Variants in KCNAB1 observed in about 807,000 individuals in gnomAD.
The protein encoded by KCNAB1 is potassium voltage-gated channel subfamily A regulatory beta subunit 1.
KCNAB1 carries 35 observed loss-of-function variants against 64.6 expected under a neutral mutation model. The observed-to-expected ratio is 0.54, with a 90% CI of 0.41 to 0.72. The LOEUF (loss-of-function observed/expected upper bound fraction) is 0.72. Ranked by LOEUF, KCNAB1 falls within the 30% of genes least tolerant of loss-of-function variation. KCNAB1 has a pLI of 0.00. For missense variants in KCNAB1, 401 were observed against 512.9 expected (o/e 0.78, Z 2.11); for synonymous variants, 177 against 183.8 (o/e 0.96, Z 0.30).
At chr3:156,428,280 T>C (rs994810344) in intron 2 of KCNAB1, among the ~76,000 whole-genome samples, 4 of 152,158 alleles carry the variant, frequency 2.6e-5, no homozygotes, top group African/African-American at 9.7e-5. Context: ...AAGAGGGAAT[T>C]CCTGCCTGAC....
intron 1 of KCNAB1, among the ~76,000 whole-genome samples, chr3:156,381,960 C>T (rs886864097): frequency 6.6e-6 from 1 of 152,178 alleles, no homozygotes; most frequent in African/African-American, 2.4e-5. Context: ...TTTGAAGGAA[C>T]AGTGCAGCTA....
intron 1 of KCNAB1, among the ~76,000 whole-genome samples, chr3:156,124,020 T>C (rs1373165490): frequency 1.3e-5 from 2 of 152,126 alleles, no homozygotes; most frequent in Admixed American, 6.5e-5. Flanking sequence ...CACTTAATAT[T>C]ACACCAATCT....
intron 2 of KCNAB1, among the ~76,000 whole-genome samples, chr3:156,429,291 A>G (rs984381088): frequency 4.6e-5 from 7 of 152,218 alleles, no homozygotes; most frequent in South Asian, 4.1e-4. Flanking sequence ...TCTACATGGC[A>G]GCAGCCGCCC....
intron 1 of KCNAB1, among the ~76,000 whole-genome samples, chr3:156,387,004 T>TGCTTTCTCTTGCTTGCTTGCTTTC (rs1712647625): frequency 7.6e-6 from 1 of 131,692 alleles, no homozygotes; most frequent in Non-Finnish European, 1.6e-5. Context: ...CTTGCTTGCT[T>TGCTTTCTCTTGCTTGCTTGCTTTC]TCTCTCTCTC....
intron 1 of KCNAB1, among the ~76,000 whole-genome samples, chr3:156,354,087 A>G (rs1229926226): frequency 1.5e-5 from 2 of 136,738 alleles, no homozygotes; most frequent in African/African-American, 3.1e-5. Context: ...ATATGTGTGT[A>G]TATATATAAT....
intron 8 of KCNAB1, among the ~76,000 whole-genome samples, chr3:156,495,557 A>G (rs1715955355): frequency 6.6e-6 from 1 of 152,150 alleles, no homozygotes; most frequent in Admixed American, 6.5e-5. Flanking sequence ...GCTGATTTCT[A>G]ACTTGCTGAA....
At chr3:156,466,662 T>TA (rs1050334750) in intron 7 of KCNAB1, among the ~76,000 whole-genome samples, 1 of 151,986 alleles carries the variant, frequency 6.6e-6, no homozygotes, top group African/African-American at 2.4e-5. Flanking sequence ...TACATATGCA[T>TA]AAAAAATGTG....
At chr3:156,501,042 G>C (rs1248526702) in intron 8 of KCNAB1, among the ~76,000 whole-genome samples, 1 of 152,170 alleles carries the variant, frequency 6.6e-6, no homozygotes, top group African/African-American at 2.4e-5. Context: ...CTCTACTAGA[G>C]GCCGCTGTCA....
At chr3:156,128,637 G>A (rs1034353981) in intron 1 of KCNAB1, among the ~76,000 whole-genome samples, 1 of 152,174 alleles carries the variant, frequency 6.6e-6, no homozygotes, top group Non-Finnish European at 1.5e-5. Context: ...TAAAGGCGAT[G>A]TGCCTGATCA....
rs7635138 is a variant in KCNAB1, at chr3:156,207,046, G to T, written c.275+86160G>T. On this transcript the variant is annotated intron_variant, in intron 1 of 13. Coordinates refer to ENST00000490337, the MANE Select transcript of KCNAB1 (RefSeq NM_172160.3). ...TGTTGAAATAAAGTGTTAGATTTTGGTTTTTAAATAATACTCTATTTTGTG... is the reference window on the plus strand; with the variant it reads ...TGTTGAAATAAAGTGTTAGATTTTGTTTTTTAAATAATACTCTATTTTGTG... 2.8e-3 allele frequency among the ~76,000 whole-genome samples: 422 copies of T among 152,244 alleles called. 3 individuals are homozygous for T. Among genetic ancestry groups the T allele is most frequent in the African/African-American group, 9.4e-3 (391 of 41,536 alleles).
chr3:156,198,854 G>T (rs1234368989), intron 1 of KCNAB1, among the ~76,000 whole-genome samples: 1 of 141,118 alleles, frequency 7.1e-6, no homozygotes, highest in East Asian at 2.0e-4. Context: ...ATGCTAGCTG[G>T]TTATTTTGCA....
At chr3:156,305,978 T>C (rs965743268) in intron 1 of KCNAB1, among the ~76,000 whole-genome samples, 1 of 152,184 alleles carries the variant, frequency 6.6e-6, no homozygotes, top group Non-Finnish European at 1.5e-5. Context: ...CCTGAACTTA[T>C]CACTTGATCC....
intron 1 of KCNAB1, among the ~76,000 whole-genome samples, chr3:156,287,003 G>GA (rs1050980590): frequency 1.2e-4 from 18 of 152,250 alleles, no homozygotes; most frequent in African/African-American, 4.3e-4. Context: ...TTATCTCTCT[G>GA]AGGATACTGA....
At chr3:156,516,586 C>T (rs1326598263) in intron 11 of KCNAB1, among the ~76,000 whole-genome samples, 1 of 152,224 alleles carries the variant, frequency 6.6e-6, no homozygotes, top group Non-Finnish European at 1.5e-5. Flanking sequence ...TTCTCTTCTT[C>T]TGGGGACTAG....
intron 8 of KCNAB1, among the ~76,000 whole-genome samples, chr3:156,512,220 A>G (rs1717260206): frequency 6.6e-6 from 1 of 152,270 alleles, no homozygotes; most frequent in Non-Finnish European, 1.5e-5. Flanking sequence ...TACTCACAGA[A>G]GAATCCAGCA....
chr3:156,184,087 A>G lies in KCNAB1; in HGVS notation c.275+63201A>G, dbSNP rs187675926. On this transcript the variant is annotated intron_variant, in intron 1 of 13. Transcript: ENST00000490337. ...AAATGCTGTTAGCTATTATTATACT[A>G]TTACTATTATTGTACAAGTGGTGAT... Among the ~76,000 whole-genome samples, 10 of 152,342 alleles carry G rather than the reference A, an allele frequency of 6.6e-5. No individual in the cohort carries two copies. In the East Asian group the frequency reaches 1.9e-3, roughly 29 times the overall value.
intron 1 of KCNAB1, among the ~76,000 whole-genome samples, chr3:156,329,553 G>T (rs371350368): frequency 2.0e-5 from 3 of 152,106 alleles, no homozygotes; most frequent in African/African-American, 7.2e-5. Context: ...ACTACAAGGG[G>T]TCTCTTGGAC....
intron 1 of KCNAB1, among the ~76,000 whole-genome samples, chr3:156,403,406 G>C (rs1036986345): frequency 6.6e-6 from 1 of 152,182 alleles, no homozygotes; most frequent in Non-Finnish European, 1.5e-5. Context: ...TTACCCTCTG[G>C]AGAGTTTTAA....
intron 1 of KCNAB1, among the ~76,000 whole-genome samples, chr3:156,287,362 AAAAAAACTACCCCAGGGCGTCCAC>A (rs2107961954): frequency 6.6e-6 from 1 of 151,484 alleles, no homozygotes; most frequent in Non-Finnish European, 1.5e-5. Flanking sequence ...AAAAAAAAAA[AAAAAAACTACCCCAGGGCGTCCAC>A]AAAACAAGAG....
Sources: gnomAD v4.1 joint callset for allele counts (sites outside exome capture counted in the v4.1 genomes callset) on GRCh38, gnomAD v4.1.1 for gene constraint, MANE v1.5 for transcripts, NCBI Gene and HGNC (gene_info 2026-07-23, HGNC 2026-07-21) for gene names.